RAPGEF4: variants seen among roughly 807,000 people sequenced by gnomAD.
RAPGEF4 encodes the protein Rap guanine nucleotide exchange factor 4, also known as RAP guanine-nucleotide-exchange factor (GEF) 4.
Under a neutral mutation model 147.9 loss-of-function variants are expected in RAPGEF4, and 66 were observed. The observed-to-expected ratio is 0.45, with a 90% CI of 0.37 to 0.55. The LOEUF is 0.55. Ranked by LOEUF, RAPGEF4 falls within the 20% of genes least tolerant of loss-of-function variation. The pLI is 0.00. For missense variants in RAPGEF4, 1,071 were observed against 1,257.3 expected (o/e 0.85, Z 2.24); for synonymous variants, 419 against 442.7 (o/e 0.95, Z 0.67).
At chr2:173,006,550 A>G (rs890918167) in intron 17 of RAPGEF4, among the ~76,000 whole-genome samples, 1 of 152,218 alleles carries the variant, frequency 6.6e-6, no homozygotes, top group Admixed American at 6.5e-5. Context: ...ACTAAGTTTT[A>G]GCTAAATCCA....
At chr2:172,842,017 A>G (rs1020881736) in intron 4 of RAPGEF4, among the ~76,000 whole-genome samples, 4 of 152,150 alleles carry the variant, frequency 2.6e-5, no homozygotes, top group Admixed American at 1.3e-4. Context: ...TCCTTTATTC[A>G]GGACCTACTG....
At chr2:172,902,666 C>T (rs564599827) in intron 4 of RAPGEF4, among the ~76,000 whole-genome samples, 11 of 152,184 alleles carry the variant, frequency 7.2e-5, no homozygotes, top group Non-Finnish European at 1.5e-4. Flanking sequence ...TCATTATTGA[C>T]ACCTCCTAGC....
chr2:172,741,264 C>T (rs1694270870), intron 1 of RAPGEF4, among the ~76,000 whole-genome samples: 1 of 152,254 alleles, frequency 6.6e-6, no homozygotes, highest in African/African-American at 2.4e-5. Flanking sequence ...CTGCTTACTT[C>T]TCTTTTCACA....
intron 10 of RAPGEF4, among the ~76,000 whole-genome samples, chr2:172,980,298 G>A (rs1415757312): frequency 6.6e-6 from 1 of 152,134 alleles, no homozygotes; most frequent in East Asian, 1.9e-4. Context: ...TGGTCCTTGT[G>A]AGTTATCTAG....
intron 1 of RAPGEF4, among the ~76,000 whole-genome samples, chr2:172,751,945 T>G (rs1695330249): frequency 1.8e-5 from 1 of 56,098 alleles, no homozygotes; most frequent in African/African-American, 4.3e-5. Context: ...GGTTTATCCT[T>G]TAAATGTTAT....
intron 1 of RAPGEF4, among the ~76,000 whole-genome samples, chr2:172,746,380 GCCAC>G (rs888856869): frequency 6.6e-6 from 1 of 152,154 alleles, no homozygotes; most frequent in African/African-American, 2.4e-5. Context: ...GAATATTGGT[GCCAC>G]TCTAACAAAT....
chr2:172,864,476 G>GGT (rs1694401075), intron 4 of RAPGEF4, among the ~76,000 whole-genome samples: 1 of 152,198 alleles, frequency 6.6e-6, no homozygotes, highest in African/African-American at 2.4e-5. Context: ...TAGACCTGAG[G>GGT]AACCTCCAGT....
chr2:172,750,035 T>A (rs924381987), intron 1 of RAPGEF4, among the ~76,000 whole-genome samples: 3 of 152,148 alleles, frequency 2.0e-5, no homozygotes, highest in Non-Finnish European at 2.9e-5. Flanking sequence ...ATTGTTTATA[T>A]CATTATCAAC....
intron 1 of RAPGEF4, among the ~76,000 whole-genome samples, chr2:172,774,677 T>C (rs888506534): frequency 6.6e-6 from 1 of 152,228 alleles, no homozygotes; most frequent in Non-Finnish European, 1.5e-5. Context: ...GGAGTTTTTC[T>C]ACAGACCTCT....
chr2:173,013,471 G>A (rs1015770490), intron 17 of RAPGEF4, among the ~76,000 whole-genome samples: 2 of 152,232 alleles, frequency 1.3e-5, no homozygotes, highest in Non-Finnish European at 2.9e-5. Context: ...AGTACTTTGT[G>A]TGCAAGTTAT....
At chr2:172,742,895 G>A (rs1694428419) in intron 1 of RAPGEF4, among the ~76,000 whole-genome samples, 1 of 152,170 alleles carries the variant, frequency 6.6e-6, no homozygotes, top group South Asian at 2.1e-4. Context: ...AGTCTTCAGA[G>A]GAAAAGTGGT....
chr2:172,793,906 C>T (rs535944164), intron 1 of RAPGEF4, among the ~76,000 whole-genome samples: 5 of 151,428 alleles, frequency 3.3e-5, no homozygotes, highest in African/African-American at 9.7e-5. Context: ...GAGGCTGAGG[C>T]GGGAGGATTG....
chr2:172,814,657 A>G, intron 4 of RAPGEF4: 1 of 526,552 alleles, frequency 1.9e-6, no homozygotes, highest in African/African-American at 1.9e-5. Flanking sequence ...AGTTTGACAT[A>G]CCTTATAATT....
intron 4 of RAPGEF4, chr2:172,859,994 G>C: frequency 1.0e-6 from 1 of 981,306 alleles, no homozygotes; most frequent in Non-Finnish European, 1.2e-6. Flanking sequence ...TGGAAAACAG[G>C]GAGGGGTGGG....
intron 4 of RAPGEF4, among the ~76,000 whole-genome samples, chr2:172,851,276 A>G (rs1026863534): frequency 1.3e-5 from 2 of 151,968 alleles, no homozygotes; most frequent in African/African-American, 4.8e-5. Context: ...ATTGATTTCT[A>G]TTGTTATTGC....
Position 173,017,417 on chromosome 2 carries a change from T to G in RAPGEF4, c.1930-9T>G, listed in dbSNP as rs1559187984. ...TCCCTTATGGCACTTGCTGTGGTTG[T>G]TTTTACAGCACAAGGTTCTTTTGCA... is the stretch of plus-strand genomic sequence containing the variant. On this transcript the variant is annotated splice_polypyrimidine_tract_variant and intron_variant, in intron 20 of 30. Coordinates refer to ENST00000397081, the MANE Select transcript of RAPGEF4 (RefSeq NM_007023.4). 6.2e-7 allele frequency: 1 copy of G among 1,613,420 alleles called. No individual in the cohort carries two copies. The highest frequency in any genetic ancestry group is 8.5e-7 in the Non-Finnish European group (1 of 1,179,326).
At chr2:172,773,060 G>T (rs1683787837) in intron 1 of RAPGEF4, among the ~76,000 whole-genome samples, 2 of 152,094 alleles carry the variant, frequency 1.3e-5, no homozygotes, top group African/African-American at 4.8e-5. Context: ...ACCCAGAAAT[G>T]CAGTGCCACT....
At chr2:172,865,881 CACAT>C (rs1310772533) in intron 4 of RAPGEF4, among the ~76,000 whole-genome samples, 2 of 152,104 alleles carry the variant, frequency 1.3e-5, no homozygotes, top group African/African-American at 4.8e-5. Context: ...TATACATATA[CACAT>C]ACATATATAT....
chr2:172,795,134 G>C lies in RAPGEF4; in HGVS notation c.175G>C (p.Gly59Arg), dbSNP rs1177725141. ...TCTCCTTCATCAGATTTGCTTATGT[G>C]GTTATTATGAGAATCTGGAAAAGGG... ...PNLLHQICLC[G>R]YYENLEKGIT... is the part of the protein sequence containing the mutation. Residue 59 changes from glycine (G) to arginine (R), a missense_variant, in exon 2 of 31, where the codon GGT becomes CGT. By Grantham distance (125) the Gly-to-Arg change is moderately radical (BLOSUM62 -2). Transcript: ENST00000397081. 6.2e-7 allele frequency: 1 copy of C among 1,611,614 alleles called. No homozygotes were observed. Among genetic ancestry groups the C allele is most frequent in the Non-Finnish European group, 8.5e-7 (1 of 1,177,896 alleles).
Sources: gnomAD v4.1 joint callset for allele counts (sites outside exome capture counted in the v4.1 genomes callset) on GRCh38, gnomAD v4.1.1 for gene constraint, MANE v1.5 for transcripts, NCBI Gene and HGNC (gene_info 2026-07-23, HGNC 2026-07-21) for gene names.